The following IDE variants were observed in gnomAD, a reference collection of about 807,000 sequenced individuals.
IDE encodes the protein insulin degrading enzyme, also known as insulin-degrading enzyme.
Under a neutral mutation model 133.2 loss-of-function variants are expected in IDE, and 58 were observed. The ratio of observed to expected loss-of-function variants is 0.44; its 90% confidence interval spans 0.35 to 0.54. The LOEUF is 0.54. Among genes scored for constraint, IDE ranks in the 20% least tolerant of loss-of-function variants. IDE has a pLI of 0.00. For missense variants in IDE, 981 were observed against 1,234.0 expected (o/e 0.79, Z 3.07); for synonymous variants, 396 against 421.3 (o/e 0.94, Z 0.73).
At chr10:92,491,614 T>TG (rs1255264947) in intron 11 of IDE, among the ~76,000 whole-genome samples, 1 of 144,974 alleles carries the variant, frequency 6.9e-6, no homozygotes, top group Admixed American at 6.9e-5. Flanking sequence ...TTTTTGTTTT[T>TG]GTTTTTTTTT....
chr10:92,491,925 G>T (rs1847375639), intron 11 of IDE, among the ~76,000 whole-genome samples: 2 of 151,786 alleles, frequency 1.3e-5, no homozygotes, highest in African/African-American at 4.8e-5. Flanking sequence ...AGCTTTTTTT[G>T]ATGCGACAGT....
chr10:92,488,906 C>A, intron 12 of IDE, among the ~76,000 whole-genome samples: 1 of 132,224 alleles, frequency 7.6e-6, no homozygotes, highest in Non-Finnish European at 1.6e-5. Context: ...GATTGTTGAA[C>A]CTAATTTATA....
At chr10:92,546,166 T>G (rs1842526069) in intron 1 of IDE, among the ~76,000 whole-genome samples, 2 of 152,142 alleles carry the variant, frequency 1.3e-5, no homozygotes, top group South Asian at 4.1e-4. Flanking sequence ...ACTGTAACCT[T>G]CCATTTATAC....
chr10:92,573,455 C>A (rs921932993), intron 1 of IDE, among the ~76,000 whole-genome samples: 5 of 152,246 alleles, frequency 3.3e-5, no homozygotes, highest in African/African-American at 1.2e-4. Context: ...ACTCAGTGCC[C>A]GGAGAAAAGG....
chr10:92,549,765 C>T (rs1171912067), intron 1 of IDE, among the ~76,000 whole-genome samples: 1 of 151,844 alleles, frequency 6.6e-6, no homozygotes, highest in Non-Finnish European at 1.5e-5. Context: ...TCCTATTAGT[C>T]CCATTCTTTA....
chr10:92,552,543 G>C (rs943371601), intron 1 of IDE, among the ~76,000 whole-genome samples: 4 of 152,152 alleles, frequency 2.6e-5, no homozygotes, highest in African/African-American at 9.7e-5. Flanking sequence ...AGCACATCTA[G>C]TGCCCAGATC....
chr10:92,492,484 C>T (rs967604079), intron 11 of IDE, among the ~76,000 whole-genome samples: 15 of 152,198 alleles, frequency 9.9e-5, no homozygotes, highest in African/African-American at 3.6e-4. Context: ...GACTCAACCA[C>T]AGGCTGGGAC....
chr10:92,456,467 C>T, intron 22 of IDE, 36 bp from the exon 23 acceptor site: 1 of 1,430,180 alleles, frequency 7.0e-7, no homozygotes. Flanking sequence ...CCCTTTTGCT[C>T]CACTAAAGAA....
intron 1 of IDE, among the ~76,000 whole-genome samples, chr10:92,562,486 T>C (rs1843326190): frequency 6.6e-6 from 1 of 152,242 alleles, no homozygotes; most frequent in South Asian, 2.1e-4. Context: ...ACTTTTCCAC[T>C]ACATCACACT....
intron 1 of IDE, among the ~76,000 whole-genome samples, chr10:92,545,764 T>C (rs1319813767): frequency 6.6e-6 from 1 of 152,140 alleles, no homozygotes; most frequent in Non-Finnish European, 1.5e-5. Context: ...CTACTATGTA[T>C]TTACCAGAAT....
At chr10:92,570,810 G>A (rs1843744579) in intron 1 of IDE, among the ~76,000 whole-genome samples, 1 of 151,862 alleles carries the variant, frequency 6.6e-6, no homozygotes, top group Non-Finnish European at 1.5e-5. Flanking sequence ...CAGCTACTCA[G>A]GAGGCTGAGG....
intron 4 of IDE, among the ~76,000 whole-genome samples, chr10:92,529,256 G>C (rs1025115855): frequency 1.3e-5 from 2 of 152,104 alleles, no homozygotes; most frequent in East Asian, 1.9e-4. Context: ...TCTGAGATAA[G>C]GGCATACAAC....
At chr10:92,480,941 TA>T in intron 14 of IDE, 1 of 955,374 alleles carries the variant, frequency 1.0e-6, no homozygotes. Context: ...AAAATAGGGA[TA>T]AAATGTGTAG....
chr10:92,461,231 A>G lies in IDE; in HGVS notation c.2783T>C (p.Leu928Ser). The G allele has an allele frequency of 6.9e-7, 1 of 1,459,256 alleles. No individual in the cohort carries two copies. The highest frequency in any genetic ancestry group is 1.1e-5 in the South Asian group (1 of 87,588). The allele number at this position is 1,459,256 out of a possible 1,614,324, so 90.4% of individuals were successfully genotyped here. A position where few individuals can be genotyped will look rare whatever the true frequency, so the allele number is the denominator to read the frequency against. ...GATATCTTCCTTGGTAAGTGTCTTTAAATATGCAACCTCAGTGTTATCTGA... is the reference window on the plus strand; with the variant it reads ...GATATCTTCCTTGGTAAGTGTCTTTGAATATGCAACCTCAGTGTTATCTGA... Reference protein sequence around the residue: ...FDRDNTEVAYLKTLTKEDIIK... With the variant: ...FDRDNTEVAYSKTLTKEDIIK... The change falls in exon 22 of 25, where the codon TTA (leucine) becomes TCA (serine). Residue 928 changes from leucine (L) to serine (S), a missense_variant. Physicochemically the swap from Leu to Ser is moderately radical, Grantham distance 145. This residue lies in a region of IDE where 660 missense variants were observed against 894.7 expected (regional missense o/e 0.74). Transcript: ENST00000265986.
At chr10:92,473,091 C>T (rs1357191127) in intron 17 of IDE, among the ~76,000 whole-genome samples, 3 of 151,526 alleles carry the variant, frequency 2.0e-5, no homozygotes, top group African/African-American at 7.3e-5. Flanking sequence ...TACAGGCACC[C>T]GCCACCACGC....
At chr10:92,526,152 C>CA (rs748661052) in intron 4 of IDE, among the ~76,000 whole-genome samples, 5,043 of 82,602 alleles carry the variant, frequency 0.061, 299 homozygotes, top group African/African-American at 0.17. Flanking sequence ...GACTCCGTCT[C>CA]AAAAAAAAAA....
chr10:92,485,090 T>C (rs972460548), intron 13 of IDE, among the ~76,000 whole-genome samples: 4 of 151,368 alleles, frequency 2.6e-5, no homozygotes, highest in Middle Eastern at 3.2e-3. Flanking sequence ...ATAATAATTG[T>C]TGTGGGTTGT....
chr10:92,483,240 A>G lies in IDE; in HGVS notation c.1739+15T>C. On this transcript the variant is annotated intron_variant, in intron 14 of 24. Coordinates refer to ENST00000265986, the MANE Select transcript of IDE (RefSeq NM_004969.4). ...GATTTTTATAAGCTTTATAAGCTAG[A>G]TTCATCTTACATACCTGAAAAATTC... 1 of 1,382,392 alleles carries G rather than the reference A, an allele frequency of 7.2e-7. No individual in the cohort carries two copies. 85.6% of individuals were successfully genotyped at this position (1,382,392 alleles called of 1,614,324 possible). A position where few individuals can be genotyped will look rare whatever the true frequency, so the allele number is the denominator to read the frequency against.
chr10:92,483,795 A>T (rs541299995), intron 13 of IDE, among the ~76,000 whole-genome samples: 29 of 152,180 alleles, frequency 1.9e-4, no homozygotes, highest in Non-Finnish European at 3.5e-4. Flanking sequence ...TACTAACAAA[A>T]TATGACAGAA....
Sources: gnomAD v4.1 joint callset for allele counts (sites outside exome capture counted in the v4.1 genomes callset) on GRCh38, gnomAD v4.1.1 for gene constraint, gnomAD v4.1.1 regional missense constraint, MANE v1.5 for transcripts, NCBI Gene and HGNC (gene_info 2026-07-23, HGNC 2026-07-21) for gene names.